Variants in TFAP2E observed in about 807,000 individuals in gnomAD.
TFAP2E encodes transcription factor AP-2-epsilon.
Under a neutral mutation model 37.9 loss-of-function variants are expected in TFAP2E, and 30 were observed. The observed-to-expected ratio is 0.79, with a 90% CI of 0.59 to 1.07. The LOEUF (loss-of-function observed/expected upper bound fraction) is 1.07. Ranked by LOEUF, TFAP2E falls within the 50% of genes least tolerant of loss-of-function variation. The probability of loss-of-function intolerance (pLI) is 0.00; values close to 1 mark genes in which losing one functional copy is unlikely to be tolerated. For synonymous variants in TFAP2E, 318 were observed against 295.8 expected (o/e 1.08, Z -0.77); for missense variants, 567 against 637.9 (o/e 0.89, Z 1.20).
In TFAP2E at chr1:35,590,971, G is replaced by C. The variant is rs1043862007; in HGVS notation, c.1046+196G>C. On this transcript the variant is annotated intron_variant, in intron 6 of 6. Coordinates refer to ENST00000373235, the MANE Select transcript of TFAP2E (RefSeq NM_178548.4). The surrounding 1 kb of genome is among the most constrained non-coding windows in gnomAD (Gnocchi z 6.2). ...ACATCAGCAGTGAGCACACACGTAT[G>C]TGTGCGCCACTGTGTACGTGAGCAG... Among the ~76,000 whole-genome samples, 2 of 151,334 alleles carry C rather than the reference G, an allele frequency of 1.3e-5. No individual in the cohort carries two copies. The highest frequency in any genetic ancestry group is 3.9e-4 in the East Asian group (2 of 5,146).
chr1:35,587,371 G>A (rs1331890374), intron 3 of TFAP2E, among the ~76,000 whole-genome samples: 2 of 152,168 alleles, frequency 1.3e-5, no homozygotes, highest in Non-Finnish European at 2.9e-5. Context: ...CGGGCACGGT[G>A]GCTCATGCCT....
Position 35,577,176 on chromosome 1 carries a change from G to T in TFAP2E, c.562+2176G>T. ...CAGCAAAGGGGAAGGGGCAGGAGCC[G>T]GGCACAGTTGGATCCGGAGGTCGTG... On this transcript the variant is annotated intron_variant, in intron 3 of 6. Transcript: ENST00000373235. This position sits in a 1 kb window ranked among gnomAD's most constrained non-coding sequence, Gnocchi z 6.3. The T allele has an allele frequency of 2.8e-6, 1 of 352,730 alleles. No homozygotes were observed. Among genetic ancestry groups the T allele is most frequent in the South Asian group, 2.1e-5 (1 of 48,266 alleles). 21.9% of individuals were successfully genotyped at this position (352,730 alleles called of 1,614,324 possible). A position where few individuals can be genotyped will look rare whatever the true frequency, so the allele number is the denominator to read the frequency against.
At chr1:35,580,281 G>T (rs1004227340) in intron 3 of TFAP2E, among the ~76,000 whole-genome samples, 1 of 152,128 alleles carries the variant, frequency 6.6e-6, no homozygotes, top group East Asian at 1.9e-4. Context: ...TCCCAGCAGG[G>T]GAGATGAGGA....
chr1:35,593,119 C>G (rs998134415), intron 6 of TFAP2E, among the ~76,000 whole-genome samples: 1 of 152,016 alleles, frequency 6.6e-6, no homozygotes, highest in African/African-American at 2.4e-5. Context: ...CTGAGGTGAT[C>G]AGATCGCTTG....
chr1:35,583,217 G>A (rs1649399018), intron 3 of TFAP2E, among the ~76,000 whole-genome samples: 1 of 151,978 alleles, frequency 6.6e-6, no homozygotes, highest in Non-Finnish European at 1.5e-5. Flanking sequence ...TTTCTTTTAT[G>A]GGCCTTGCTT....
In TFAP2E at chr1:35,590,977, G is replaced by A. The variant is rs561341123; in HGVS notation, c.1046+202G>A. Among the ~76,000 whole-genome samples, 11 of 151,506 alleles carry A rather than the reference G, an allele frequency of 7.3e-5. No individual in the cohort carries two copies. Among genetic ancestry groups the A allele is most frequent in the Admixed American group, 2.0e-4 (3 of 15,238 alleles). ...GCAGTGAGCACACACGTATGTGTGC[G>A]CCACTGTGTACGTGAGCAGTGGGCA... is the stretch of plus-strand genomic sequence containing the variant. On this transcript the variant is annotated intron_variant, in intron 6 of 6. Coordinates refer to ENST00000373235, the MANE Select transcript of TFAP2E (RefSeq NM_178548.4). The surrounding 1 kb of genome is among the most constrained non-coding windows in gnomAD (Gnocchi z 6.2).
At chr1:35,586,464 T>C (rs184507974) in intron 3 of TFAP2E, among the ~76,000 whole-genome samples, 1 of 152,214 alleles carries the variant, frequency 6.6e-6, no homozygotes, top group Admixed American at 6.5e-5. Flanking sequence ...GAATGATGCA[T>C]TCAGATGGAA....
intron 3 of TFAP2E, among the ~76,000 whole-genome samples, chr1:35,580,584 C>T (rs1649320773): frequency 6.6e-6 from 1 of 152,004 alleles, no homozygotes; most frequent in African/African-American, 2.4e-5. Context: ...CACGGTGAAA[C>T]CCCATCTCTA....
intron 3 of TFAP2E, among the ~76,000 whole-genome samples, chr1:35,580,475 T>A (rs1649317332): frequency 6.6e-6 from 1 of 151,610 alleles, no homozygotes; most frequent in Non-Finnish European, 1.5e-5. Flanking sequence ...AAAATGCAAA[T>A]TTTGGCCAGG....
At chr1:35,593,625 G>C (rs1649747223) in intron 6 of TFAP2E, among the ~76,000 whole-genome samples, 1 of 152,228 alleles carries the variant, frequency 6.6e-6, no homozygotes, top group African/African-American at 2.4e-5. Context: ...TGTGGCTGGA[G>C]AAACCTAGCC....
chr1:35,592,034 T>C (rs1649702217), intron 6 of TFAP2E, among the ~76,000 whole-genome samples: 1 of 152,022 alleles, frequency 6.6e-6, no homozygotes, highest in South Asian at 2.1e-4. Context: ...ACATCTGTAA[T>C]CCCAGCACTT....
chr1:35,586,593 A>G (rs751162538), intron 3 of TFAP2E, among the ~76,000 whole-genome samples: 18 of 152,230 alleles, frequency 1.2e-4, no homozygotes, highest in Non-Finnish European at 2.2e-4. Context: ...CACATAAAGA[A>G]ATGAAAGTCG....
intron 3 of TFAP2E, among the ~76,000 whole-genome samples, chr1:35,587,653 AAAAG>A (rs1553121944): frequency 3.5e-4 from 52 of 147,778 alleles, no homozygotes; most frequent in Admixed American, 5.4e-4. Context: ...AAAAAAAAAA[AAAAG>A]AAAGAAAGAA....
In TFAP2E at chr1:35,588,347, G is replaced by C. The variant is rs1649549114; in HGVS notation, c.580G>C (p.Ala194Pro). Reference sequence around the variant, plus strand: ...CTCCACAGTGCCCATCCCCTCCAAAGCCAGCAGCCTCTCAGCCCTCTCCTT... The same window carrying C: ...CTCCACAGTGCCCATCCCCTCCAAACCCAGCAGCCTCTCAGCCCTCTCCTT... ...VIKKVPIPSK[A>P]SSLSALSLAK... The change falls in exon 4 of 7, where the codon GCC (alanine) becomes CCC (proline). Residue 194 changes from alanine to proline, a missense_variant. Physicochemically the swap from Ala to Pro is conservative, Grantham distance 27. This residue lies in a region of TFAP2E where 312 missense variants were observed against 317.4 expected (regional missense o/e 0.98). Transcript: ENST00000373235. This position sits in a 1 kb window ranked among gnomAD's most constrained non-coding sequence, Gnocchi z 5.1. 2 of 1,612,728 alleles carry C rather than the reference G, an allele frequency of 1.2e-6. No individual in the cohort carries two copies. The highest frequency in any genetic ancestry group is 1.3e-5 in the African/African-American group (1 of 74,924).
chr1:35,574,334 C>T lies in TFAP2E; in HGVS notation c.435C>T (p.Asp145=), dbSNP rs1649104355. 1.4e-5 allele frequency: 20 copies of T among 1,442,518 alleles called. No individual in the cohort carries two copies. Among genetic ancestry groups the T allele is most frequent in the Non-Finnish European group, 1.6e-5 (18 of 1,108,234 alleles). 89.4% of individuals were successfully genotyped at this position (1,442,518 alleles called of 1,614,324 possible). Reference sequence around the variant, plus strand: ...CCCGGCTCCTGCACGGCCTGGCCGACGGCGCGCACGGCCTGGCAGACGCAC... The same window carrying T: ...CCCGGCTCCTGCACGGCCTGGCCGATGGCGCGCACGGCCTGGCAGACGCAC... The part of the protein sequence containing the change: ...AVPRLLHGLA[D]GAHGLADAPL... The change falls in exon 2 of 7, where the codon GAC becomes GAT. Residue 145 remains aspartate, a synonymous_variant. Transcript: ENST00000373235.
chr1:35,588,483 G>T lies in TFAP2E; in HGVS notation c.716G>T (p.Gly239Val). 1 of 1,609,040 alleles carries T rather than the reference G, an allele frequency of 6.2e-7. No homozygotes were observed. Among genetic ancestry groups the T allele is most frequent in the Non-Finnish European group, 8.5e-7 (1 of 1,178,992 alleles). The change falls in exon 4 of 7, where the codon GGG becomes GTG. Residue 239 changes from glycine (G) to valine (V), a missense_variant. Transcript: ENST00000373235. This position sits in a 1 kb window ranked among gnomAD's most constrained non-coding sequence, Gnocchi z 5.1. ...SSTSKYKVTV[G>V]EVQRRLSPPE... The stretch of plus-strand genomic sequence containing the variant: ...ACGTCCAAGTACAAGGTGACGGTGG[G>T]GGAGGTGCAGCGGCGACTCTCGCCT...
Position 35,590,581 on chromosome 1 carries a change from T to C in TFAP2E, c.905-53T>C. On this transcript the variant is annotated intron_variant, in intron 5 of 6. Transcript: ENST00000373235. The surrounding 1 kb of genome is among the most constrained non-coding windows in gnomAD (Gnocchi z 6.2). ...CCAGGGGGTCAGAGGTTCAAAGCTG[T>C]GTTCCAGGCGCAGAGGTACACCCTG... The C allele has an allele frequency of 1.4e-6, 2 of 1,412,708 alleles. No homozygotes were observed. Among genetic ancestry groups the C allele is most frequent in the Non-Finnish European group, 1.9e-6 (2 of 1,073,002 alleles). 87.5% of individuals were successfully genotyped at this position (1,412,708 alleles called of 1,614,324 possible).
intron 3 of TFAP2E, among the ~76,000 whole-genome samples, chr1:35,583,729 T>G (rs1223190273): frequency 6.6e-6 from 1 of 152,106 alleles, no homozygotes; most frequent in Non-Finnish European, 1.5e-5. Flanking sequence ...TCTGTGTGTG[T>G]GGGAGACAAA....
chr1:35,589,493 C>T (rs112106289), intron 4 of TFAP2E, among the ~76,000 whole-genome samples: 3,041 of 118,364 alleles, frequency 0.026, 87 homozygotes, highest in East Asian at 0.078. Context: ...TATTCTTTCA[C>T]GTGTGTGTGT....
Sources: allele counts gnomAD v4.1 joint callset (sites outside exome capture counted in the v4.1 genomes callset), GRCh38; gene constraint gnomAD v4.1.1; regional missense constraint gnomAD v4.1.1; non-coding constraint Gnocchi (gnomAD v3.1); transcripts MANE v1.5; gene names NCBI Gene and HGNC (gene_info 2026-07-23, HGNC 2026-07-21).